Variants in MAST4 observed in about 807,000 individuals in gnomAD.
MAST4 encodes the protein microtubule associated serine/threonine kinase family member 4.
Under a neutral mutation model 162.7 loss-of-function variants are expected in MAST4, and 89 were observed. The ratio of observed to expected loss-of-function variants is 0.55; its 90% confidence interval spans 0.46 to 0.65. MAST4 has a LOEUF of 0.65. Among genes scored for constraint, MAST4 ranks in the 30% least tolerant of loss-of-function variants. MAST4 has a pLI of 0.00. For missense variants in MAST4, 3,153 were observed against 3,374.0 expected (o/e 0.93, Z 1.62); for synonymous variants, 1,479 against 1,361.1 (o/e 1.09, Z -1.91).
intron 25 of MAST4, 28 bp from the exon 26 acceptor site, chr5:67,153,430 A>G: frequency 3.1e-6 from 5 of 1,591,154 alleles, no homozygotes; most frequent in Non-Finnish European, 4.3e-6. Context: ...TTGTTTGCCT[A>G]CAAATATCCT....
Position 66,893,667 on chromosome 5 carries a change from A to G in MAST4, c.643-6284A>G, listed in dbSNP as rs143455374. Among the ~76,000 whole-genome samples the G allele has an allele frequency of 9.2e-3, 1,401 of 152,310 alleles. 11 individuals carry two copies. The highest frequency in any genetic ancestry group is 0.012 in the Non-Finnish European group (816 of 68,022). ...ATTCTCCATCCATCTCACATTTCCC[A>G]CAAGGATTTTACTGTTATTTTACAG... On this transcript the variant is annotated intron_variant, in intron 3 of 28. Coordinates refer to ENST00000403625, the MANE Select transcript of MAST4 (RefSeq NM_001164664.2).
At chr5:66,811,074 G>A (rs1471999995) in intron 3 of MAST4, among the ~76,000 whole-genome samples, 6 of 152,156 alleles carry the variant, frequency 3.9e-5, no homozygotes, top group African/African-American at 7.2e-5. Flanking sequence ...CACAGGAACC[G>A]GGCAGAGACT....
intron 3 of MAST4, among the ~76,000 whole-genome samples, chr5:66,836,812 G>A (rs886426945): frequency 2.0e-5 from 3 of 152,070 alleles, no homozygotes; most frequent in Non-Finnish European, 4.4e-5. Flanking sequence ...AGGAGGGTGA[G>A]GACAAAAAAA....
At chr5:66,765,415 T>A (rs1367467622) in intron 2 of MAST4, among the ~76,000 whole-genome samples, 2 of 152,176 alleles carry the variant, frequency 1.3e-5, no homozygotes, top group Non-Finnish European at 2.9e-5. Context: ...TTATATCACC[T>A]AATACAATGT....
intron 11 of MAST4, among the ~76,000 whole-genome samples, chr5:67,111,537 GA>G (rs796459501): frequency 2.7e-5 from 4 of 150,828 alleles, no homozygotes; most frequent in Non-Finnish European, 5.9e-5. Flanking sequence ...AGGCTAAAAG[GA>G]AAAAAAAATC....
intron 1 of MAST4, among the ~76,000 whole-genome samples, chr5:66,639,223 G>A (rs1248757388): frequency 3.3e-5 from 5 of 151,416 alleles, no homozygotes; most frequent in African/African-American, 1.2e-4. Flanking sequence ...AACCAAGAGA[G>A]GAGGGTATTT....
chr5:66,794,709 G>T (rs867490317), intron 3 of MAST4, among the ~76,000 whole-genome samples: 3 of 152,078 alleles, frequency 2.0e-5, no homozygotes, highest in African/African-American at 7.2e-5. Context: ...GAAGGGACAA[G>T]GTGCTTTCAA....
At chr5:67,069,370 AAAG>A in intron 5 of MAST4, among the ~76,000 whole-genome samples, 1 of 149,584 alleles carries the variant, frequency 6.7e-6, no homozygotes. Flanking sequence ...CTTTGGCTTT[AAAG>A]AAGATTTTCT....
intron 1 of MAST4, among the ~76,000 whole-genome samples, chr5:66,651,967 T>G (rs920118752): frequency 2.0e-5 from 3 of 152,158 alleles, no homozygotes; most frequent in Non-Finnish European, 4.4e-5. Flanking sequence ...TTGGAAGTGA[T>G]AGTCTATAAT....
At chr5:66,868,061 G>A (rs1026106768) in intron 3 of MAST4, among the ~76,000 whole-genome samples, 1 of 152,206 alleles carries the variant, frequency 6.6e-6, no homozygotes, top group Non-Finnish European at 1.5e-5. Context: ...GAACAAACCT[G>A]TTATATAGGA....
chr5:66,994,714 A>G (rs767071316), intron 4 of MAST4, among the ~76,000 whole-genome samples: 6 of 152,358 alleles, frequency 3.9e-5, no homozygotes, highest in South Asian at 4.1e-4. Context: ...GACAGTTTAA[A>G]CTGAATTACC....
Position 67,167,862 on chromosome 5 carries a change from T to C in MAST4, c.*811T>C, listed in dbSNP as rs1774227013. Reference sequence around the variant, plus strand: ...GGCCAGTTGTTCCTTTCTGTGGATGTGGATGTCTGGCCTTCACCTGAGGTA... The same window carrying C: ...GGCCAGTTGTTCCTTTCTGTGGATGCGGATGTCTGGCCTTCACCTGAGGTA... On this transcript the variant is annotated 3_prime_UTR_variant, in exon 29 of 29. Transcript: ENST00000403625. The C allele has an allele frequency of 6.6e-6, 1 of 152,264 alleles. No homozygotes were observed. The highest frequency in any genetic ancestry group is 2.4e-5 in the African/African-American group (1 of 41,474). The allele number at this position is 152,264 out of a possible 1,614,324, so 9.4% of individuals were successfully genotyped here.
intron 4 of MAST4, among the ~76,000 whole-genome samples, chr5:66,960,196 G>C (rs1408558576): frequency 6.6e-6 from 1 of 152,212 alleles, no homozygotes; most frequent in Non-Finnish European, 1.5e-5. Flanking sequence ...AGAGACTGCA[G>C]AATGAGAACT....
intron 5 of MAST4, among the ~76,000 whole-genome samples, chr5:67,084,727 G>A (rs943992822): frequency 2.0e-5 from 3 of 152,118 alleles, no homozygotes; most frequent in African/African-American, 7.2e-5. Context: ...GAGACAGAAT[G>A]ATTAAAATGA....
intron 23 of MAST4, among the ~76,000 whole-genome samples, chr5:67,148,971 C>T (rs1034019772): frequency 6.6e-6 from 1 of 152,086 alleles, no homozygotes; most frequent in Non-Finnish European, 1.5e-5. Context: ...ATAAGGTAAT[C>T]ACAGTATGAA....
rs150098415 is a variant in MAST4 at position 66,740,420 on chromosome 5, C to T, written c.364-19289C>T. On this transcript the variant is annotated intron_variant, in intron 1 of 28. Transcript: ENST00000403625. Reference sequence around the variant, plus strand: ...ATTCCTCCTTGTGGAATGCACAGGTCCACATGGAAAATGCTGTATTTTCTA... The same window carrying T: ...ATTCCTCCTTGTGGAATGCACAGGTTCACATGGAAAATGCTGTATTTTCTA... Among the ~76,000 whole-genome samples, 5 of 152,272 alleles carry T rather than the reference C, an allele frequency of 3.3e-5. No homozygotes were observed. In the East Asian group the frequency reaches 9.6e-4, roughly 29 times the overall value.
intron 1 of MAST4, among the ~76,000 whole-genome samples, chr5:66,648,441 T>C (rs1746007453): frequency 6.6e-6 from 1 of 152,268 alleles, no homozygotes; most frequent in East Asian, 1.9e-4. Flanking sequence ...ATTTATATTT[T>C]GGTTTTTATA....
chr5:66,934,553 G>A (rs1172851833), intron 4 of MAST4, among the ~76,000 whole-genome samples: 1 of 151,516 alleles, frequency 6.6e-6, no homozygotes. Flanking sequence ...TTTTAAAAAT[G>A]TATTAAGTAT....
chr5:67,126,003 A>G (rs1006206596), intron 14 of MAST4, among the ~76,000 whole-genome samples: 2 of 152,038 alleles, frequency 1.3e-5, no homozygotes, highest in Non-Finnish European at 2.9e-5. Flanking sequence ...AGTGATGATG[A>G]GCTTTTTTTC....
Sources: gnomAD v4.1 joint callset for allele counts (sites outside exome capture counted in the v4.1 genomes callset) on GRCh38, gnomAD v4.1.1 for gene constraint, MANE v1.5 for transcripts, NCBI Gene and HGNC (gene_info 2026-07-23, HGNC 2026-07-21) for gene names.